The following TGFBR3 variants were observed in gnomAD, a reference collection of about 807,000 sequenced individuals.
TGFBR3 encodes transforming growth factor beta receptor 3.
Under a neutral mutation model 87.9 loss-of-function variants are expected in TGFBR3, and 46 were observed. That is an observed-to-expected ratio of 0.52 (90% CI 0.41 to 0.67). The LOEUF (loss-of-function observed/expected upper bound fraction) is 0.67, where lower values mean the gene tolerates loss of function less well. TGFBR3 is among the 30% of genes least tolerant of loss of function. The pLI is 0.00. For missense variants in TGFBR3, 866 were observed against 1,041.9 expected, an observed-to-expected ratio of 0.83 and a Z score of 2.32; for synonymous variants, 381 against 391.6, an observed-to-expected ratio of 0.97 and a Z score of 0.32.
chr1:91,840,728 T>A (rs1461611037), intron 2 of TGFBR3, among the ~76,000 whole-genome samples: 1 of 152,192 alleles, frequency 6.6e-6, no homozygotes, highest in Non-Finnish European at 1.5e-5. Context: ...TTTTCCAAAA[T>A]TTTAACTTGT....
intron 10 of TGFBR3, among the ~76,000 whole-genome samples, chr1:91,717,756 A>C (rs2100775521): frequency 6.6e-6 from 1 of 151,950 alleles, no homozygotes; most frequent in South Asian, 2.1e-4. Flanking sequence ...GACGCCAATT[A>C]AAGGAAGCAT....
In TGFBR3 at chr1:91,728,965, C is replaced by T. The variant is rs576193384; in HGVS notation, c.737+840G>A. Reference sequence around the variant, plus strand: ...GTAGGAAGCTGAGAGGGAGAACAAGCGCACAAGGGAGAGGCAAGTTCTATC... The same window carrying T: ...GTAGGAAGCTGAGAGGGAGAACAAGTGCACAAGGGAGAGGCAAGTTCTATC... On this transcript the variant is annotated intron_variant, in intron 6 of 16. Transcript: ENST00000212355. Among the ~76,000 whole-genome samples, 14 of 151,780 alleles carry T rather than the reference C, an allele frequency of 9.2e-5. No individual in the cohort carries two copies. The South Asian group carries it at 2.1e-3, about 23-fold the overall frequency.
chr1:91,806,358 C>T (rs940809546), intron 2 of TGFBR3, among the ~76,000 whole-genome samples: 2 of 152,288 alleles, frequency 1.3e-5, no homozygotes, highest in East Asian at 1.9e-4. Context: ...CAAAACTCGA[C>T]AGAACGCAGA....
chr1:91,803,677 C>A (rs147904301), intron 2 of TGFBR3, among the ~76,000 whole-genome samples: 1 of 152,218 alleles, frequency 6.6e-6, no homozygotes, highest in South Asian at 2.1e-4. Flanking sequence ...GAAGTGCCAA[C>A]CTTTGTCCCA....
intron 3 of TGFBR3, among the ~76,000 whole-genome samples, chr1:91,762,551 AC>A: frequency 6.6e-6 from 1 of 152,332 alleles, no homozygotes; most frequent in Middle Eastern, 3.4e-3. Flanking sequence ...CCGTACTTTG[AC>A]CACAAACTGG....
intron 1 of TGFBR3, among the ~76,000 whole-genome samples, chr1:91,903,691 A>G (rs1479802731): frequency 3.3e-5 from 5 of 151,734 alleles, no homozygotes; most frequent in Non-Finnish European, 7.4e-5. Flanking sequence ...CAGCCTGTCT[A>G]AAAAAAAGAG....
At chr1:91,687,964 C>T (rs1671144970) in intron 16 of TGFBR3, among the ~76,000 whole-genome samples, 1 of 152,140 alleles carries the variant, frequency 6.6e-6, no homozygotes, top group Admixed American at 6.5e-5. Context: ...TTCTTGATCT[C>T]CTAACTGTAA....
chr1:91,775,498 G>A (rs1390922495), intron 3 of TGFBR3, among the ~76,000 whole-genome samples: 2 of 152,164 alleles, frequency 1.3e-5, no homozygotes, highest in Admixed American at 6.5e-5. Flanking sequence ...GTTCAAGCAC[G>A]CTTCCTCTAA....
At chr1:91,719,573 C>T (rs1672289882) in intron 9 of TGFBR3, 109 bp from the exon 10 acceptor site, 14 of 1,368,314 alleles carry the variant, frequency 1.0e-5, no homozygotes, top group Non-Finnish European at 1.5e-5. Flanking sequence ...GATGAGAGGC[C>T]TGCATCGTGC....
At chr1:91,765,939 A>T (rs946694569) in intron 3 of TGFBR3, among the ~76,000 whole-genome samples, 2 of 152,196 alleles carry the variant, frequency 1.3e-5, no homozygotes, top group African/African-American at 4.8e-5. Context: ...ACATTTAATA[A>T]ATACATCCAT....
At chr1:91,710,793 G>GAC (rs1671953431) in intron 13 of TGFBR3, among the ~76,000 whole-genome samples, 1 of 152,112 alleles carries the variant, frequency 6.6e-6, no homozygotes, top group Non-Finnish European at 1.5e-5. Context: ...CTGGCTTAAA[G>GAC]TCCCATTGGT....
intron 7 of TGFBR3, among the ~76,000 whole-genome samples, chr1:91,722,634 T>C (rs1212415486): frequency 6.6e-6 from 1 of 152,136 alleles, no homozygotes; most frequent in Non-Finnish European, 1.5e-5. Flanking sequence ...CACTTAACAA[T>C]GGAGATATGT....
chr1:91,770,395 C>T (rs1674336139), intron 3 of TGFBR3, among the ~76,000 whole-genome samples: 2 of 152,096 alleles, frequency 1.3e-5, no homozygotes, highest in Non-Finnish European at 2.9e-5. Context: ...GATCTGCCAC[C>T]CTAAATCTAT....
chr1:91,834,690 G>C (rs374026091), intron 2 of TGFBR3, among the ~76,000 whole-genome samples: 9 of 152,128 alleles, frequency 5.9e-5, no homozygotes, highest in African/African-American at 2.2e-4. Context: ...GGTTTGGTTT[G>C]GTTTTTAAGA....
At chr1:91,747,114 C>G (rs915729326) in intron 4 of TGFBR3, among the ~76,000 whole-genome samples, 6 of 152,344 alleles carry the variant, frequency 3.9e-5, no homozygotes, top group African/African-American at 1.4e-4. Flanking sequence ...CCAGATTACA[C>G]ACCTTTAGCA....
chr1:91,782,769 C>T (rs1674821313), intron 3 of TGFBR3, among the ~76,000 whole-genome samples: 5 of 152,062 alleles, frequency 3.3e-5, no homozygotes, highest in Admixed American at 2.6e-4. Flanking sequence ...TCAGGCCTCT[C>T]AGCAGTTGCT....
At chr1:91,750,630 AAAG>A (rs1346686087) in intron 4 of TGFBR3, among the ~76,000 whole-genome samples, 42 of 152,356 alleles carry the variant, frequency 2.8e-4, no homozygotes, top group Non-Finnish European at 4.3e-4. Flanking sequence ...ACATTTAAAA[AAAG>A]AAGAAGAACC....
intron 14 of TGFBR3, among the ~76,000 whole-genome samples, chr1:91,701,307 C>G (rs953009619): frequency 6.6e-6 from 1 of 151,954 alleles, no homozygotes; most frequent in African/African-American, 2.4e-5. Flanking sequence ...AGAATTCTAT[C>G]CTCGAACTTT....
At chr1:91,765,002 C>T (rs1393287282) in intron 3 of TGFBR3, among the ~76,000 whole-genome samples, 1 of 152,130 alleles carries the variant, frequency 6.6e-6, no homozygotes, top group Non-Finnish European at 1.5e-5. Flanking sequence ...TGAATGAGGC[C>T]CAACACAAAT....
Sources: allele counts gnomAD v4.1 joint callset (sites outside exome capture counted in the v4.1 genomes callset), GRCh38; gene constraint gnomAD v4.1.1; transcripts MANE v1.5; gene names NCBI Gene and HGNC (gene_info 2026-07-23, HGNC 2026-07-21).